NADK2: variants seen among roughly 807,000 people sequenced by gnomAD.
NADK2 encodes NAD kinase 2, mitochondrial.
NADK2 carries 35 observed loss-of-function variants against 62.1 expected under a neutral mutation model. That is an observed-to-expected ratio of 0.56 (90% CI 0.43 to 0.75). The LOEUF (loss-of-function observed/expected upper bound fraction) is 0.75. Ranked by LOEUF, NADK2 falls within the 30% of genes least tolerant of loss-of-function variation. The pLI is 0.00. For synonymous variants in NADK2, 205 were observed against 207.9 expected (o/e 0.99, Z 0.12); for missense variants, 439 against 561.3 (o/e 0.78, Z 2.20).
Position 36,241,474 on chromosome 5 carries a change from G to A in NADK2, c.300+25C>T. The A allele has an allele frequency of 2.6e-6, 4 of 1,510,216 alleles. No individual in the cohort carries two copies. The highest frequency in any genetic ancestry group is 1.2e-5 in the South Asian group (1 of 83,230). The allele number at this position is 1,510,216 out of a possible 1,614,324, so 93.6% of individuals were successfully genotyped here. On this transcript the variant is annotated intron_variant, in intron 1 of 11. Transcript: ENST00000381937. This position sits in a 1 kb window ranked among gnomAD's most constrained non-coding sequence, Gnocchi z 4.9. ...CAGAGCCCCGGCCGAGCCCGGGAGC[G>A]AAGCGGGGCCGAGCCAGGACCCACC...
Position 36,241,885 on chromosome 5 carries a change from C to G in NADK2, c.-87G>C. On this transcript the variant is annotated 5_prime_UTR_variant, in exon 1 of 12. Transcript: ENST00000381937. The surrounding 1 kb of genome is among the most constrained non-coding windows in gnomAD (Gnocchi z 4.9). Reference sequence around the variant, plus strand: ...GGGAGTGCGCGCCGTCCGCGCCGCCCGGGCCTCTAACTTCGCGCCGGACGG... The same window carrying G: ...GGGAGTGCGCGCCGTCCGCGCCGCCGGGGCCTCTAACTTCGCGCCGGACGG... 3.7e-6 allele frequency: 4 copies of G among 1,073,640 alleles called. No homozygotes were observed. The South Asian group carries it at 1.4e-4, about 37-fold the overall frequency. 66.5% of individuals were successfully genotyped at this position (1,073,640 alleles called of 1,614,324 possible). A position where few individuals can be genotyped will look rare whatever the true frequency, so the allele number is the denominator to read the frequency against.
intron 4 of NADK2, among the ~76,000 whole-genome samples, chr5:36,224,950 T>C (rs1747426937): frequency 6.6e-6 from 1 of 152,134 alleles, no homozygotes; most frequent in Non-Finnish European, 1.5e-5. Context: ...AGTGGTAGCA[T>C]AATGAGGAAT....
rs1443582983 is a variant in NADK2 at position 36,241,872 on chromosome 5, C to T, written c.-74G>A. On this transcript the variant is annotated 5_prime_UTR_variant, in exon 1 of 12. Transcript: ENST00000381937. This position sits in a 1 kb window ranked among gnomAD's most constrained non-coding sequence, Gnocchi z 4.9. ...GCTCCCTACCGCCGGGAGTGCGCGC[C>T]GTCCGCGCCGCCCGGGCCTCTAACT... The T allele has an allele frequency of 3.6e-6, 4 of 1,116,724 alleles. No homozygotes were observed. Among genetic ancestry groups the T allele is most frequent in the Admixed American group, 5.2e-5 (1 of 19,262 alleles). 69.2% of individuals were successfully genotyped at this position (1,116,724 alleles called of 1,614,324 possible).
At position 36,194,197 on chromosome 5, in the gene NADK2, C is replaced by G. The variant is rs1280742979; in HGVS notation, c.*947G>C. The stretch of plus-strand genomic sequence containing the variant: ...TCTTGGAATATAAGCTAGGTGAAAA[C>G]CACAATACTAAGGAAGGCAATTCCA... On this transcript the variant is annotated 3_prime_UTR_variant, in exon 12 of 12. Transcript: ENST00000381937. 1 of 151,720 alleles carries G rather than the reference C, an allele frequency of 6.6e-6. No individual in the cohort carries two copies. Among genetic ancestry groups the G allele is most frequent in the Non-Finnish European group, 1.5e-5 (1 of 67,962 alleles). 9.4% of individuals were successfully genotyped at this position (151,720 alleles called of 1,614,324 possible).
rs983775789 is a variant in NADK2 at position 36,193,749 on chromosome 5, A to G, written c.*1395T>C. On this transcript the variant is annotated 3_prime_UTR_variant, in exon 12 of 12. Transcript: ENST00000381937. ...CATTAACATTTATTTTAAAAAATTG[A>G]TAAGAACAACATGTTAAATATTGGC... The G allele has an allele frequency of 2.6e-5, 4 of 152,626 alleles. No homozygotes were observed. Among genetic ancestry groups the G allele is most frequent in the African/African-American group, 7.2e-5 (3 of 41,450 alleles). 9.5% of individuals were successfully genotyped at this position (152,626 alleles called of 1,614,324 possible). A position where few individuals can be genotyped will look rare whatever the true frequency, so the allele number is the denominator to read the frequency against.
intron 1 of NADK2, among the ~76,000 whole-genome samples, chr5:36,228,216 CT>C (rs1322384614): frequency 1.3e-5 from 2 of 152,098 alleles, no homozygotes; most frequent in Non-Finnish European, 2.9e-5. Context: ...CATTTTATAA[CT>C]ATCTTACCAT....
At chr5:36,202,834 T>C (rs550166000) in intron 8 of NADK2, among the ~76,000 whole-genome samples, 1 of 152,206 alleles carries the variant, frequency 6.6e-6, no homozygotes, top group East Asian at 1.9e-4. Flanking sequence ...GGAAGCCACT[T>C]GCCAATCAGG....
At chr5:36,206,428 T>C (rs1263827949) in intron 8 of NADK2, among the ~76,000 whole-genome samples, 1 of 151,036 alleles carries the variant, frequency 6.6e-6, no homozygotes, top group African/African-American at 2.4e-5. Flanking sequence ...GCAGCAGCAG[T>C]AGAAACCCAA....
chr5:36,223,399 G>A (rs1410304589), intron 4 of NADK2, among the ~76,000 whole-genome samples: 4 of 152,080 alleles, frequency 2.6e-5, no homozygotes, highest in Admixed American at 2.0e-4. Context: ...TAATACCACA[G>A]TATTAATCAG....
chr5:36,233,821 C>T (rs985450790), intron 1 of NADK2, among the ~76,000 whole-genome samples: 39 of 152,070 alleles, frequency 2.6e-4, no homozygotes, highest in Admixed American at 3.9e-4. Flanking sequence ...ATGAACTTCA[C>T]GCAAGTCTTG....
At chr5:36,199,930 T>C (rs558679557) in intron 10 of NADK2, among the ~76,000 whole-genome samples, 171 of 152,148 alleles carry the variant, frequency 1.1e-3, no homozygotes, top group African/African-American at 3.9e-3. Context: ...GCTTACTGAA[T>C]TTAGCTATGC....
chr5:36,194,902 T>C lies in NADK2; in HGVS notation c.*242A>G, dbSNP rs1403607373. 2.7e-6 allele frequency: 1 copy of C among 375,516 alleles called. No homozygotes were observed. The highest frequency in any genetic ancestry group is 4.7e-6 in the Non-Finnish European group (1 of 212,238). The allele number at this position is 375,516 out of a possible 1,614,324, so 23.3% of individuals were successfully genotyped here. On this transcript the variant is annotated 3_prime_UTR_variant, in exon 12 of 12. Transcript: ENST00000381937. ...AGGTATCAGCACTCTTGGTTACCAA[T>C]TGTAAGCAATATAAAAATTTCACTG... is the stretch of plus-strand genomic sequence containing the variant.
chr5:36,211,036 C>T (rs537457863), intron 7 of NADK2, among the ~76,000 whole-genome samples: 3 of 152,230 alleles, frequency 2.0e-5, no homozygotes, highest in Admixed American at 6.5e-5. Context: ...CCTGGCCAAG[C>T]GCAGTGACTC....
At chr5:36,207,000 A>G (rs1210800205) in intron 8 of NADK2, among the ~76,000 whole-genome samples, 170 bp downstream of exon 8, 2 of 152,120 alleles carry the variant, frequency 1.3e-5, no homozygotes, top group Non-Finnish European at 2.9e-5. Context: ...GTAATCCAAG[A>G]AGTCAAGGCA....
At chr5:36,224,616 G>A (rs1426708352) in intron 4 of NADK2, among the ~76,000 whole-genome samples, 1 of 152,032 alleles carries the variant, frequency 6.6e-6, no homozygotes, top group South Asian at 2.1e-4. Flanking sequence ...AGTGAATGAA[G>A]TGAGGAAGAA....
At chr5:36,236,988 A>G (rs1377703974) in intron 1 of NADK2, among the ~76,000 whole-genome samples, 1 of 152,162 alleles carries the variant, frequency 6.6e-6, no homozygotes, top group Non-Finnish European at 1.5e-5. Flanking sequence ...CTGAAATACC[A>G]TCTTTCACCC....
chr5:36,237,689 A>G (rs141540813), intron 1 of NADK2, among the ~76,000 whole-genome samples: 6 of 152,368 alleles, frequency 3.9e-5, no homozygotes, highest in Non-Finnish European at 5.9e-5. Context: ...GTGAAGCTCA[A>G]GAGATAGCCA....
chr5:36,226,505 G>C lies in NADK2; in HGVS notation c.448C>G (p.Arg150Gly), dbSNP rs372853581. ...GCAGCTATGACAGCATCTGCCCATCGAACAGTCTCTTCATCATATTCTCTC... is the reference window on the plus strand; with the variant it reads ...GCAGCTATGACAGCATCTGCCCATCCAACAGTCTCTTCATCATATTCTCTC... The part of the protein sequence containing the change: ...KRREYDEETV[R>G]WADAVIAAGG... Residue 150 changes from arginine to glycine, a missense_variant, in exon 3 of 12, where the codon CGA becomes GGA. Arg to Gly is a moderately radical substitution (Grantham distance 125, BLOSUM62 -2). Transcript: ENST00000381937. 11 of 1,612,638 alleles carry C rather than the reference G, an allele frequency of 6.8e-6. No homozygotes were observed. The African/African-American group carries it at 9.4e-5, about 14-fold the overall frequency.
At chr5:36,225,051 G>C (rs79019032) in intron 4 of NADK2, among the ~76,000 whole-genome samples, 3,280 of 152,196 alleles carry the variant, frequency 0.022, 35 homozygotes, top group Middle Eastern at 0.044. Flanking sequence ...ACTCACCTGG[G>C]TCAAGAACTC....
Sources: allele counts gnomAD v4.1 joint callset (sites outside exome capture counted in the v4.1 genomes callset), GRCh38; gene constraint gnomAD v4.1.1; non-coding constraint Gnocchi (gnomAD v3.1); transcripts MANE v1.5; gene names NCBI Gene and HGNC (gene_info 2026-07-23, HGNC 2026-07-21).